The following SNX30 variants were observed in gnomAD, a reference collection of about 807,000 sequenced individuals.
The protein encoded by SNX30 is sorting nexin family member 30.
A neutral mutation model predicts 46.4 loss-of-function variants in SNX30; 24 were observed. The ratio of observed to expected loss-of-function variants is 0.52; its 90% CI spans 0.37 to 0.73. The LOEUF (loss-of-function observed/expected upper bound fraction) is 0.73. Among genes scored for constraint, SNX30 ranks in the 30% least tolerant of loss-of-function variants. The pLI, the probability that SNX30 is intolerant of heterozygous loss-of-function variation, is 0.00. For synonymous variants in SNX30, 189 were observed against 211.5 expected (o/e 0.89, Z 0.92); for missense variants, 533 against 555.7 (o/e 0.96, Z 0.41).
intron 1 of SNX30, among the ~76,000 whole-genome samples, chr9:112,763,379 T>TTC (rs1839476129): frequency 1.5e-5 from 2 of 136,270 alleles, no homozygotes; most frequent in East Asian, 4.2e-4. Context: ...TTTTTTTTTT[T>TTC]TTTTTTTTTG....
chr9:112,868,207 T>C (rs985923503), intron 8 of SNX30, among the ~76,000 whole-genome samples: 3 of 152,232 alleles, frequency 2.0e-5, no homozygotes, highest in African/African-American at 7.2e-5. Context: ...GTAAAGTATG[T>C]CACCATGTTT....
chr9:112,793,306 T>C (rs901890403), intron 1 of SNX30, among the ~76,000 whole-genome samples: 4 of 152,242 alleles, frequency 2.6e-5, no homozygotes, highest in Non-Finnish European at 1.5e-5. Context: ...TTGGGCTTGT[T>C]GGACACACCC....
chr9:112,851,227 G>A (rs1841020315), intron 7 of SNX30, among the ~76,000 whole-genome samples: 1 of 152,216 alleles, frequency 6.6e-6, no homozygotes, highest in Admixed American at 6.5e-5. Context: ...AAATGGCATT[G>A]CAGAGAGAAG....
chr9:112,860,723 T>C (rs1439459228), intron 7 of SNX30, among the ~76,000 whole-genome samples: 1 of 152,192 alleles, frequency 6.6e-6, no homozygotes, highest in Non-Finnish European at 1.5e-5. Flanking sequence ...TGGCAAAGGG[T>C]GGCATAATGT....
intron 2 of SNX30, among the ~76,000 whole-genome samples, chr9:112,805,508 G>A (rs976118861): frequency 6.6e-6 from 1 of 152,228 alleles, no homozygotes; most frequent in East Asian, 1.9e-4. Context: ...TTGCTCTGTT[G>A]CCCAGGCTGG....
intron 1 of SNX30, among the ~76,000 whole-genome samples, chr9:112,795,951 TG>T (rs1396771032): frequency 3.3e-5 from 5 of 151,730 alleles, no homozygotes; most frequent in African/African-American, 4.8e-5. Context: ...TACCAGGGAG[TG>T]GGTCAAGGAA....
chr9:112,774,498 G>A (rs541518075), intron 1 of SNX30, among the ~76,000 whole-genome samples: 22 of 152,246 alleles, frequency 1.4e-4, no homozygotes, highest in African/African-American at 4.3e-4. Context: ...TAAAGCTGCC[G>A]TGATCATTCA....
chr9:112,750,787 C>A lies in SNX30; in HGVS notation c.-215C>A. 1 of 177,558 alleles carries A rather than the reference C, an allele frequency of 5.6e-6. No individual in the cohort carries two copies. The highest frequency in any genetic ancestry group is 1.1e-5 in the Non-Finnish European group (1 of 93,972). The allele number at this position is 177,558 out of a possible 1,614,324, so 11.0% of individuals were successfully genotyped here. A position where few individuals can be genotyped will look rare whatever the true frequency, so the allele number is the denominator to read the frequency against. ...GGCCGTGCTGCCAGCGGACCCGCGG[C>A]GGGCTCGGGCGCGGAGCGGGGGCGC... On this transcript the variant is annotated 5_prime_UTR_variant, in exon 1 of 9. Coordinates refer to ENST00000374232, the MANE Select transcript of SNX30 (RefSeq NM_001012994.2).
At chr9:112,832,858 AAATAT>A (rs1228534678) in intron 4 of SNX30, among the ~76,000 whole-genome samples, 2 of 143,662 alleles carry the variant, frequency 1.4e-5, no homozygotes, top group Non-Finnish European at 3.1e-5. Flanking sequence ...AATATATAAT[AAATAT>A]AATATATATA....
At chr9:112,859,873 G>A (rs1841200461) in intron 7 of SNX30, among the ~76,000 whole-genome samples, 1 of 151,834 alleles carries the variant, frequency 6.6e-6, no homozygotes, top group South Asian at 2.1e-4. Flanking sequence ...CTATCTCACT[G>A]TGGCTTTGAT....
chr9:112,782,160 G>C (rs374803192), intron 1 of SNX30, among the ~76,000 whole-genome samples: 41 of 151,800 alleles, frequency 2.7e-4, no homozygotes, highest in African/African-American at 8.0e-4. Context: ...TCTACCTTCC[G>C]GGTTCAAGAG....
Position 112,865,641 on chromosome 9 carries a change from A to G in SNX30, c.1254+1242A>G, listed in dbSNP as rs1564297114. Among the ~76,000 whole-genome samples, 11 of 116,392 alleles carry G rather than the reference A, an allele frequency of 9.5e-5. 1 individual carries two copies. The highest frequency in any genetic ancestry group is 2.5e-4 in the East Asian group (1 of 3,992). The allele number at this position is 116,392 out of a possible 152,430, so 76.4% of individuals were successfully genotyped here. A position where few individuals can be genotyped will look rare whatever the true frequency, so the allele number is the denominator to read the frequency against. On this transcript the variant is annotated intron_variant, in intron 8 of 8. Coordinates refer to ENST00000374232, the MANE Select transcript of SNX30 (RefSeq NM_001012994.2). ...TGTCACGCCATATATATATATATATATATATATATATATATATATATGTAT... is the reference window on the plus strand; with the variant it reads ...TGTCACGCCATATATATATATATATGTATATATATATATATATATATGTAT...
intron 2 of SNX30, among the ~76,000 whole-genome samples, chr9:112,813,154 A>AG (rs1840345271): frequency 6.6e-6 from 1 of 152,066 alleles, no homozygotes; most frequent in South Asian, 2.1e-4. Context: ...ATCTCAAAAA[A>AG]AACCCCCCAA....
downstream of SNX30, among the ~76,000 whole-genome samples, chr9:112,883,072 G>C (rs577877249): frequency 6.6e-6 from 1 of 152,158 alleles, no homozygotes; most frequent in South Asian, 2.1e-4. Context: ...GCAGGTCAAC[G>C]GATGCAGCTA....
At chr9:112,791,994 T>TACTTTATTAGTGTACTTTATTAGTG (rs1459709901) in intron 1 of SNX30, among the ~76,000 whole-genome samples, 4 of 152,240 alleles carry the variant, frequency 2.6e-5, no homozygotes, top group Admixed American at 2.0e-4. Context: ...CTGTTAGTTG[T>TACTTTATTAGTGTACTTTATTAGTG]TACTTTATTA....
At chr9:112,853,124 G>A (rs1051906328) in intron 7 of SNX30, among the ~76,000 whole-genome samples, 3 of 152,212 alleles carry the variant, frequency 2.0e-5, no homozygotes, top group Admixed American at 6.5e-5. Flanking sequence ...TCTCCATCCT[G>A]TGCATGTTTG....
intron 1 of SNX30, among the ~76,000 whole-genome samples, chr9:112,772,971 A>G (rs1839675653): frequency 2.0e-5 from 3 of 152,218 alleles, no homozygotes; most frequent in Non-Finnish European, 2.9e-5. Flanking sequence ...AAATGGGTCA[A>G]GAGAATCTGT....
intron 6 of SNX30, among the ~76,000 whole-genome samples, chr9:112,842,038 G>A (rs1196775005): frequency 2.6e-5 from 4 of 152,162 alleles, no homozygotes; most frequent in Non-Finnish European, 4.4e-5. Context: ...CCACCTCCCG[G>A]GTTCAAGTGA....
chr9:112,837,319 G>A (rs1376163016), intron 5 of SNX30, among the ~76,000 whole-genome samples: 1 of 152,068 alleles, frequency 6.6e-6, no homozygotes, highest in African/African-American at 2.4e-5. Context: ...CACACCTAAG[G>A]ATCTTGCAGA....
Sources: gnomAD v4.1 joint callset for allele counts (sites outside exome capture counted in the v4.1 genomes callset) on GRCh38, gnomAD v4.1.1 for gene constraint, MANE v1.5 for transcripts, NCBI Gene and HGNC (gene_info 2026-07-23, HGNC 2026-07-21) for gene names.